The following FAM81A variants were observed in gnomAD, a reference collection of about 807,000 sequenced individuals.
FAM81A encodes the protein protein FAM81A.
In FAM81A, 19 loss-of-function variants were observed where a neutral mutation model predicts 46.7. The ratio of observed to expected loss-of-function variants is 0.41; its 90% CI spans 0.28 to 0.60. The LOEUF is 0.60. Ranked by LOEUF, FAM81A falls within the 20% of genes least tolerant of loss-of-function variation. The pLI is 0.34. For missense variants in FAM81A, 377 were observed against 453.5 expected (o/e 0.83, Z 1.53); for synonymous variants, 183 against 152.9 (o/e 1.20, Z -1.45).
intron 1 of FAM81A, chr15:59,438,619 G>T (rs981840637): frequency 2.0e-5 from 3 of 152,248 alleles, no homozygotes; most frequent in Non-Finnish European, 2.9e-5. Flanking sequence ...TACTCAGAGT[G>T]AGTGACCTTG....
At chr15:59,507,124 T>C in intron 4 of FAM81A, 89 bp from the exon 5 acceptor site, 8 of 1,468,012 alleles carry the variant, frequency 5.4e-6, no homozygotes, top group Non-Finnish European at 7.3e-6. Flanking sequence ...TTTCTTTGAG[T>C]GGGTTTTGCA....
intron 1 of FAM81A, among the ~76,000 whole-genome samples, chr15:59,439,784 C>T (rs1466448915): frequency 6.6e-6 from 1 of 152,112 alleles, no homozygotes; most frequent in Non-Finnish European, 1.5e-5. Context: ...AACCATGAAG[C>T]CCTACCAACC....
chr15:59,483,181 G>C (rs2081875503), intron 3 of FAM81A, among the ~76,000 whole-genome samples: 1 of 152,088 alleles, frequency 6.6e-6, no homozygotes, highest in African/African-American at 2.4e-5. Flanking sequence ...GGGACTACAG[G>C]TGCGTGCCAT....
At chr15:59,463,456 A>T (rs1300437162) in intron 3 of FAM81A, among the ~76,000 whole-genome samples, 1 of 152,178 alleles carries the variant, frequency 6.6e-6, no homozygotes, top group Non-Finnish European at 1.5e-5. Flanking sequence ...GTTTTGGACT[A>T]GTCTATGTCC....
intron 1 of FAM81A, among the ~76,000 whole-genome samples, chr15:59,439,682 T>C (rs1434314318): frequency 6.6e-6 from 1 of 152,236 alleles, no homozygotes; most frequent in Non-Finnish European, 1.5e-5. Context: ...TTCTGCAAGC[T>C]TGTTTACCTG....
At chr15:59,476,323 A>T (rs1227562357) in intron 3 of FAM81A, among the ~76,000 whole-genome samples, 4 of 152,164 alleles carry the variant, frequency 2.6e-5, no homozygotes, top group Admixed American at 1.3e-4. Context: ...CCTGGGCTCA[A>T]GTAATCCTCC....
At chr15:59,499,463 T>G (rs1355768693) in intron 4 of FAM81A, among the ~76,000 whole-genome samples, 4 of 152,262 alleles carry the variant, frequency 2.6e-5, no homozygotes. Flanking sequence ...TCATTTATAT[T>G]GCTCGTTATA....
Position 59,460,070 on chromosome 15 carries a change from G to A in FAM81A, c.158G>A (p.Arg53Gln), listed in dbSNP as rs759367665. 7 of 1,613,806 alleles carry A rather than the reference G, an allele frequency of 4.3e-6. No homozygotes were observed. The highest frequency in any genetic ancestry group is 1.3e-5 in the African/African-American group (1 of 74,888). Residue 53 changes from arginine to glutamine, a missense_variant, in exon 3 of 9, where the codon CGG becomes CAG. Arg to Gln is a conservative substitution (Grantham distance 43). Transcript: ENST00000288228. This position sits in a 1 kb window ranked among gnomAD's most constrained non-coding sequence, Gnocchi z 4.4. ...GCCGCCCTCGTAGAGCACGCCTTTC[G>A]GATTAAAGATGACATTGTCAACAGT... ...TTAALVEHAF[R>Q]IKDDIVNSLQ...
intron 4 of FAM81A, among the ~76,000 whole-genome samples, chr15:59,502,658 C>T (rs530944184): frequency 7.1e-4 from 108 of 151,892 alleles, no homozygotes; most frequent in Non-Finnish European, 1.3e-3. Flanking sequence ...GGATTACAGG[C>T]GCCTACCACC....
upstream of FAM81A, among the ~76,000 whole-genome samples, chr15:59,435,659 C>T (rs1227961458): frequency 6.6e-6 from 1 of 152,052 alleles, no homozygotes; most frequent in Non-Finnish European, 1.5e-5. Flanking sequence ...TGGTGTCTAG[C>T]ATAATATACT....
chr15:59,490,937 A>G (rs2141752465), intron 3 of FAM81A, among the ~76,000 whole-genome samples: 1 of 152,306 alleles, frequency 6.6e-6, no homozygotes, highest in South Asian at 2.1e-4. Flanking sequence ...GGATATGGAG[A>G]AAAGGGAGCA....
At position 59,521,430 on chromosome 15, in the gene FAM81A, C is replaced by G; in HGVS notation, c.*52C>G. 6.5e-7 allele frequency: 1 copy of G among 1,542,746 alleles called. No individual in the cohort carries two copies. The highest frequency in any genetic ancestry group is 8.8e-7 in the Non-Finnish European group (1 of 1,142,526). On this transcript the variant is annotated 3_prime_UTR_variant, in exon 9 of 9. Transcript: ENST00000288228. ...ACAGTTTTGCCAGTGGGGCTAGGAG[C>G]CGGATACCTCTGTAGCCAGGCCATC...
rs766541072 is a variant in FAM81A, at chr15:59,460,264, A to T, written c.294+58A>T. ...CCTTTCCACAGAATTGCTCCATGTC[A>T]GGAGGTCACCCACATCTAACTCCTA... is the stretch of plus-strand genomic sequence containing the variant. On this transcript the variant is annotated intron_variant, in intron 3 of 8. Transcript: ENST00000288228. The surrounding 1 kb of genome is among the most constrained non-coding windows in gnomAD (Gnocchi z 4.4). The T allele has an allele frequency of 1.2e-6, 2 of 1,611,528 alleles. No individual in the cohort carries two copies. The highest frequency in any genetic ancestry group is 2.7e-5 in the African/African-American group (2 of 74,900).
intron 3 of FAM81A, among the ~76,000 whole-genome samples, chr15:59,468,222 T>G (rs1216571034): frequency 6.6e-6 from 1 of 152,206 alleles, no homozygotes; most frequent in Non-Finnish European, 1.5e-5. Flanking sequence ...GCTGGCCTCA[T>G]AAAGTGAGTT....
In FAM81A at chr15:59,413,360, C is replaced by T. The variant is rs146933263; in HGVS notation, c.-78+11002C>T. On this transcript the variant is annotated intron_variant, in intron 2 of 4. Transcript: ENST00000558348. Reference sequence around the variant, plus strand: ...TGAGGTGCGAACGTAACTGGCTGCCCAAGAGGAGGAACTGACCATCTCTAG... The same window carrying T: ...TGAGGTGCGAACGTAACTGGCTGCCTAAGAGGAGGAACTGACCATCTCTAG... Among the ~76,000 whole-genome samples the T allele has an allele frequency of 2.6e-3, 396 of 150,506 alleles. 1 individual carries two copies. The highest frequency in any genetic ancestry group is 0.01 in the Middle Eastern group (3 of 292).
At chr15:59,509,009 C>A (rs1429288667) in intron 6 of FAM81A, 40 bp downstream of exon 6, 3 of 1,502,448 alleles carry the variant, frequency 2.0e-6, no homozygotes, top group Non-Finnish European at 2.7e-6. Flanking sequence ...ACTTAAAGTT[C>A]TTTATGAGTT....
intron 3 of FAM81A, among the ~76,000 whole-genome samples, chr15:59,482,937 A>T (rs1407076577): frequency 6.6e-6 from 1 of 152,156 alleles, no homozygotes; most frequent in African/African-American, 2.4e-5. Flanking sequence ...TTCACAGGTG[A>T]TTGTAACTAG....
intron 1 of FAM81A, among the ~76,000 whole-genome samples, chr15:59,441,211 G>C (rs796705148): frequency 2.0e-5 from 3 of 152,282 alleles, no homozygotes; most frequent in African/African-American, 7.2e-5. Flanking sequence ...CTCTTCTCCA[G>C]TGTCTTTGGT....
upstream of FAM81A, chr15:59,438,026 G>T (rs552599753): frequency 2.7e-5 from 4 of 150,632 alleles, no homozygotes; most frequent in African/African-American, 9.7e-5. Flanking sequence ...CCTCCAGCTC[G>T]GGCTGCCACG....
Sources: gnomAD v4.1 joint callset for allele counts (sites outside exome capture counted in the v4.1 genomes callset) on GRCh38, gnomAD v4.1.1 for gene constraint, Gnocchi (gnomAD v3.1) non-coding constraint, MANE v1.5 for transcripts, NCBI Gene and HGNC (gene_info 2026-07-23, HGNC 2026-07-21) for gene names.